Variants in PFKFB1 observed in about 807,000 individuals in gnomAD.
PFKFB1 encodes the protein 6-phosphofructo-2-kinase/fructose-2,6-biphosphatase 1.
Under a neutral mutation model 46.4 loss-of-function variants are expected in PFKFB1, and 34 were observed. That is an observed-to-expected ratio of 0.73 (90% CI 0.56 to 0.98). The LOEUF (loss-of-function observed/expected upper bound fraction) is 0.98. PFKFB1 is among the 50% of genes least tolerant of loss of function. PFKFB1 has a pLI of 0.00. For missense variants in PFKFB1, 393 were observed against 376.3 expected, an observed-to-expected ratio of 1.04 and a Z score of -0.37; for synonymous variants, 119 against 133.8, an observed-to-expected ratio of 0.89 and a Z score of 0.76.
At chrX:54,985,023 A>G (rs1220365952) in intron 1 of PFKFB1, among the ~76,000 whole-genome samples, 2 of 110,685 alleles carry the variant, frequency 1.8e-5, no homozygotes, top group African/African-American at 6.6e-5. Context: ...CCATGGAGAG[A>G]AGAAATTCAT....
intron 2 of PFKFB1, among the ~76,000 whole-genome samples, chrX:54,962,766 A>G (rs984337635): frequency 1.8e-5 from 2 of 111,767 alleles, no homozygotes; most frequent in Admixed American, 9.5e-5. Context: ...CATGCATTAG[A>G]CTTGGCACAG....
intron 12 of PFKFB1, 119 bp from the exon 13 acceptor site, chrX:54,934,004 TC>T: frequency 7.6e-6 from 4 of 524,085 alleles, no homozygotes; most frequent in Non-Finnish European, 1.3e-5. Flanking sequence ...TGTGTACAGA[TC>T]ATGACTCGCC....
Position 54,933,200 on chromosome X carries a change from TAAGA to T in PFKFB1, c.*199_*202del, listed in dbSNP as rs1371465958. ...TCTTTATTCGTCAGAGAATAGGAAT[TAAGA>T]AAGAAAGTTTCCTCCAGAGCTAGAT... On this transcript the variant is annotated 3_prime_UTR_variant, in exon 14 of 14. Coordinates refer to ENST00000375006, the MANE Select transcript of PFKFB1 (RefSeq NM_002625.4). 2.3e-6 allele frequency: 1 copy of T among 434,138 alleles called. No homozygotes were observed. The highest frequency in any genetic ancestry group is 4.0e-6 in the Non-Finnish European group (1 of 248,091). The allele number at this position is 434,138 out of a possible 1,213,427, so 35.8% of individuals were successfully genotyped here. A position where few individuals can be genotyped will look rare whatever the true frequency, so the allele number is the denominator to read the frequency against.
chrX:54,958,136 A>C (rs1439862115), intron 6 of PFKFB1, among the ~76,000 whole-genome samples, 170 bp downstream of exon 6: 1 of 111,777 alleles, frequency 8.9e-6, no homozygotes, highest in African/African-American at 3.3e-5. Flanking sequence ...TAATAGAGTC[A>C]TTGTAAGCCA....
intron 5 of PFKFB1, 129 bp downstream of exon 5, chrX:54,958,722 T>C (rs1934226326): frequency 2.1e-6 from 1 of 478,224 alleles, no homozygotes; most frequent in African/African-American, 2.4e-5. Flanking sequence ...TCCTGGAAAG[T>C]TAGAGAACCA....
At chrX:54,964,395 A>T (rs1219516254) in intron 1 of PFKFB1, among the ~76,000 whole-genome samples, 1 of 110,075 alleles carries the variant, frequency 9.1e-6, no homozygotes, top group Non-Finnish European at 1.9e-5. Flanking sequence ...TATTATCTCC[A>T]GGGTGTAGCA....
intron 12 of PFKFB1, 97 bp from the exon 13 acceptor site, chrX:54,933,982 C>A (rs888723432): frequency 1.8e-5 from 11 of 621,195 alleles, no homozygotes; most frequent in Non-Finnish European, 2.7e-6. Context: ...AGCCACACCC[C>A]CAGCTTCATA....
At chrX:54,934,601 C>T (rs1037288400) in intron 12 of PFKFB1, among the ~76,000 whole-genome samples, 2 of 111,861 alleles carry the variant, frequency 1.8e-5, no homozygotes, top group African/African-American at 6.5e-5. Flanking sequence ...CAAGAAAGAC[C>T]CTAAACTGCC....
At chrX:54,958,163 C>T in intron 6 of PFKFB1, 143 bp downstream of exon 6, 2 of 394,748 alleles carry the variant, frequency 5.1e-6, no homozygotes, top group Non-Finnish European at 9.0e-6. Context: ...TTAGGGAATG[C>T]TTCCTATGAA....
intron 1 of PFKFB1, among the ~76,000 whole-genome samples, chrX:54,975,098 A>G (rs1412272533): frequency 9.0e-6 from 1 of 111,620 alleles, no homozygotes; most frequent in East Asian, 2.8e-4. Context: ...CAATCCCACT[A>G]CTAGGTATCT....
At chrX:54,997,498 C>T (rs1393362897), upstream of PFKFB1, among the ~76,000 whole-genome samples, 1 of 111,795 alleles carries the variant, frequency 8.9e-6, no homozygotes. Context: ...AAGTATAGGG[C>T]ATGTGTATCG....
At chrX:54,949,729 G>A (rs1197034583) in intron 8 of PFKFB1, among the ~76,000 whole-genome samples, 1 of 112,337 alleles carries the variant, frequency 8.9e-6, no homozygotes, top group Admixed American at 9.3e-5. Context: ...CGTGTGATAT[G>A]GCCTGACCTC....
chrX:54,937,860 G>C, intron 10 of PFKFB1, 136 bp from the exon 11 acceptor site: 7 of 493,073 alleles, frequency 1.4e-5, no homozygotes, highest in Non-Finnish European at 2.3e-5. Flanking sequence ...TATGACCTTA[G>C]GCAACTCACT....
intron 1 of PFKFB1, among the ~76,000 whole-genome samples, chrX:54,984,390 T>C (rs1935066239): frequency 8.9e-6 from 1 of 112,082 alleles, no homozygotes; most frequent in Admixed American, 9.5e-5. Flanking sequence ...CTTGAGACTT[T>C]CATTTCTGGC....
chrX:54,958,509 T>C, intron 5 of PFKFB1, 147 bp from the exon 6 acceptor site: 1 of 441,431 alleles, frequency 2.3e-6, no homozygotes, highest in Admixed American at 4.0e-5. Context: ...ACTTCCAGGC[T>C]TCTGAGTTTC....
chrX:54,944,007 C>T (rs1458662555), intron 10 of PFKFB1, among the ~76,000 whole-genome samples: 1 of 110,874 alleles, frequency 9.0e-6, no homozygotes, highest in African/African-American at 3.3e-5. Context: ...TTAGGAGACA[C>T]AATGGCCAGG....
chrX:54,945,299 A>T (rs1203956477), intron 10 of PFKFB1, 140 bp downstream of exon 10: 2 of 391,031 alleles, frequency 5.1e-6, no homozygotes, highest in Non-Finnish European at 8.9e-6. Context: ...CCAGATAATC[A>T]TGTGCCTTGT....
rs1396647354 is a variant in PFKFB1 at position 54,956,172 on chromosome X, A to G, written c.619T>C (p.Leu207=). The G allele has an allele frequency of 4.1e-6, 5 of 1,205,399 alleles. No homozygotes were observed. The highest frequency in any genetic ancestry group is 5.6e-6 in the Non-Finnish European group (5 of 889,998). The change falls in exon 7 of 14, where the codon TTG becomes CTG. Residue 207 remains leucine (L), a synonymous_variant. Transcript: ENST00000375006. ...TCTTACCTGTCCAGTTCCTCATCCAAGGGTTGGTAGTTGACCTCATAGCAC... is the reference window on the plus strand; with the variant it reads ...TCTTACCTGTCCAGTTCCTCATCCAGGGGTTGGTAGTTGACCTCATAGCAC... ...IECYEVNYQP[L]DEELDSHLSY...
intron 1 of PFKFB1, among the ~76,000 whole-genome samples, chrX:54,964,138 G>GAAAAA (rs373526270): frequency 1.0e-5 from 1 of 97,903 alleles, no homozygotes; most frequent in Non-Finnish European, 2.1e-5. Context: ...GGAGAAAATT[G>GAAAAA]AAAAAAAAAA....
Sources: gnomAD v4.1 joint callset for allele counts (sites outside exome capture counted in the v4.1 genomes callset) on GRCh38, gnomAD v4.1.1 for gene constraint, MANE v1.5 for transcripts, NCBI Gene and HGNC (gene_info 2026-07-23, HGNC 2026-07-21) for gene names.